The following RAB3GAP1 variants were observed in gnomAD, a reference collection of about 807,000 sequenced individuals.
The protein encoded by RAB3GAP1 is rab3 GTPase-activating protein catalytic subunit.
Under a neutral mutation model 130.7 loss-of-function variants are expected in RAB3GAP1, and 86 were observed. The ratio of observed to expected loss-of-function variants is 0.66; its 90% CI spans 0.55 to 0.79. RAB3GAP1 has a LOEUF of 0.79. RAB3GAP1 is among the 30% of genes least tolerant of loss of function. The pLI is 0.00. For missense variants in RAB3GAP1, 1,029 were observed against 1,169.4 expected (o/e 0.88, Z 1.75); for synonymous variants, 367 against 401.7 (o/e 0.91, Z 1.03).
chr2:135,069,167 T>A (rs1689401757), intron 3 of RAB3GAP1, among the ~76,000 whole-genome samples: 1 of 152,342 alleles, frequency 6.6e-6, no homozygotes, highest in South Asian at 2.1e-4. Flanking sequence ...AGTACATGTT[T>A]GTTGATTGAC....
chr2:135,137,732 G>A (rs1487860376), intron 17 of RAB3GAP1, among the ~76,000 whole-genome samples: 1 of 151,998 alleles, frequency 6.6e-6, no homozygotes, highest in Non-Finnish European at 1.5e-5. Flanking sequence ...TTCAAAAATA[G>A]TTTGAAGTCA....
At chr2:135,065,918 G>A (rs571839422) in intron 3 of RAB3GAP1, among the ~76,000 whole-genome samples, 1 of 151,838 alleles carries the variant, frequency 6.6e-6, no homozygotes, top group Non-Finnish European at 1.5e-5. Context: ...CTACAGGTGT[G>A]CGCCACCATG....
intron 6 of RAB3GAP1, among the ~76,000 whole-genome samples, chr2:135,113,714 A>T (rs1019867884): frequency 4.6e-5 from 7 of 151,740 alleles, no homozygotes; most frequent in African/African-American, 1.5e-4. Context: ...AGACTATGTG[A>T]TTCTCAACTC....
At chr2:135,123,730 TGAC>T (rs908456200) in intron 8 of RAB3GAP1, among the ~76,000 whole-genome samples, 1 of 152,182 alleles carries the variant, frequency 6.6e-6, no homozygotes, top group African/African-American at 2.4e-5. Context: ...ATGTTATTAA[TGAC>T]GACAAATATA....
intron 8 of RAB3GAP1, among the ~76,000 whole-genome samples, chr2:135,123,536 T>A (rs1479769271): frequency 2.6e-5 from 4 of 152,188 alleles, no homozygotes; most frequent in African/African-American, 4.8e-5. Context: ...CAATTTGTAT[T>A]ATTTCAAAGA....
intron 15 of RAB3GAP1, 47 bp from the exon 16 acceptor site, chr2:135,135,218 A>G (rs759913679): frequency 6.9e-7 from 1 of 1,450,454 alleles, no homozygotes; most frequent in Admixed American, 1.7e-5. Context: ...TATCTGAAGC[A>G]ATTTTACTAA....
At chr2:135,127,168 C>T (rs1194225828) in intron 11 of RAB3GAP1, among the ~76,000 whole-genome samples, 1 of 150,396 alleles carries the variant, frequency 6.6e-6, no homozygotes, top group African/African-American at 2.4e-5. Context: ...AGCCACCGCG[C>T]GGCCTTAAGA....
chr2:135,164,786 C>T (rs1223036288), intron 23 of RAB3GAP1, 90 bp downstream of exon 23: 8 of 962,220 alleles, frequency 8.3e-6, no homozygotes, highest in South Asian at 6.9e-5. Context: ...TGGCTGATCA[C>T]ACTCATGTCA....
intron 3 of RAB3GAP1, 39 bp downstream of exon 3, chr2:135,058,125 C>T: frequency 6.6e-7 from 1 of 1,512,530 alleles, no homozygotes. Context: ...TGACTATTTA[C>T]TTTGAAACCT....
At position 135,130,088 on chromosome 2, in the gene RAB3GAP1, G is replaced by C. The variant is rs1691487338; in HGVS notation, c.1066+1G>C. ...TCTGCATTTGAGGAAGAAGGCAAAG[G>C]TAACCTACATTTTTTTTTAACATTA... On this transcript the variant is annotated splice_donor_variant, in intron 12 of 23. Coordinates refer to ENST00000264158, the MANE Select transcript of RAB3GAP1 (RefSeq NM_012233.3). LOFTEE classifies it high-confidence loss of function. 1 of 1,607,126 alleles carries C rather than the reference G, an allele frequency of 6.2e-7. No homozygotes were observed. Among genetic ancestry groups the C allele is most frequent in the African/African-American group, 1.3e-5 (1 of 74,628 alleles).
At position 135,126,250 on chromosome 2, in the gene RAB3GAP1, G is replaced by C; in HGVS notation, c.899+1G>C. ...TCATTGTGGATAATGATGTTTATTC[G>C]TAAGTATGTTAAGAGTAGTAGTACA... is the stretch of plus-strand genomic sequence containing the variant. On this transcript the variant is annotated splice_donor_variant, in intron 10 of 23. Transcript: ENST00000264158. LOFTEE classifies it high-confidence loss of function. 2 of 1,608,472 alleles carry C rather than the reference G, an allele frequency of 1.2e-6. No homozygotes were observed. Among genetic ancestry groups the C allele is most frequent in the Non-Finnish European group, 1.7e-6 (2 of 1,175,204 alleles).
At chr2:135,131,006 C>T (rs934884646) in intron 13 of RAB3GAP1, among the ~76,000 whole-genome samples, 33 of 152,244 alleles carry the variant, frequency 2.2e-4, no homozygotes, top group Middle Eastern at 3.4e-3. Context: ...TGAAGAGGGA[C>T]ATTTGAGCTG....
chr2:135,116,656 A>G (rs188118499), intron 7 of RAB3GAP1, among the ~76,000 whole-genome samples: 2 of 152,324 alleles, frequency 1.3e-5, no homozygotes, highest in East Asian at 3.9e-4. Flanking sequence ...TTATAGTTGT[A>G]TAGACTAATG....
At chr2:135,080,480 T>C (rs1689762761) in intron 3 of RAB3GAP1, among the ~76,000 whole-genome samples, 1 of 152,174 alleles carries the variant, frequency 6.6e-6, no homozygotes, top group Admixed American at 6.5e-5. Flanking sequence ...AGTATAGATT[T>C]TGACTGCTAA....
At chr2:135,120,413 G>A (rs1403394846) in intron 7 of RAB3GAP1, among the ~76,000 whole-genome samples, 1 of 152,122 alleles carries the variant, frequency 6.6e-6, no homozygotes, top group Non-Finnish European at 1.5e-5. Flanking sequence ...ACACAAATAT[G>A]TGGACAAAAA....
intron 5 of RAB3GAP1, among the ~76,000 whole-genome samples, chr2:135,103,568 G>A (rs1386506648): frequency 4.9e-4 from 74 of 152,110 alleles, no homozygotes; most frequent in Non-Finnish European, 1.5e-4. Flanking sequence ...GGACAGAACT[G>A]TCAAAAAACA....
At chr2:135,083,574 G>A (rs1689888770) in intron 3 of RAB3GAP1, among the ~76,000 whole-genome samples, 1 of 151,798 alleles carries the variant, frequency 6.6e-6, no homozygotes, top group South Asian at 2.1e-4. Context: ...TGATCCTCCT[G>A]CCTCAGCCTT....
At chr2:135,141,160 A>G (rs965207536) in intron 17 of RAB3GAP1, among the ~76,000 whole-genome samples, 1 of 144,986 alleles carries the variant, frequency 6.9e-6, no homozygotes, top group Non-Finnish European at 1.5e-5. Context: ...AATTCTTCAT[A>G]TATTCTGGAT....
chr2:135,171,098 T>C (rs1346245512), downstream of RAB3GAP1, among the ~76,000 whole-genome samples: 1 of 151,708 alleles, frequency 6.6e-6, no homozygotes, highest in East Asian at 2.0e-4. Context: ...GAAAGCGTAT[T>C]ACAAGCAGAG....
Sources: allele counts gnomAD v4.1 joint callset (sites outside exome capture counted in the v4.1 genomes callset), GRCh38; gene constraint gnomAD v4.1.1; transcripts MANE v1.5; gene names NCBI Gene and HGNC (gene_info 2026-07-23, HGNC 2026-07-21).